The following TEX9 variants were observed in gnomAD, a reference collection of about 807,000 sequenced individuals.
The protein encoded by TEX9 is testis-expressed protein 9.
TEX9 carries 74 observed loss-of-function variants against 59.6 expected under a neutral mutation model. That is an observed-to-expected ratio of 1.24 (90% CI 1.03 to 1.51). The LOEUF (loss-of-function observed/expected upper bound fraction) is 1.51. Among genes scored for constraint, TEX9 ranks in the 40% most tolerant of loss-of-function variants. The probability of loss-of-function intolerance (pLI) is 0.00; values close to 1 mark genes in which losing one functional copy is unlikely to be tolerated. For synonymous variants in TEX9, 186 were observed against 152.2 expected, an observed-to-expected ratio of 1.22 and a Z score of -1.64; for missense variants, 522 against 447.8, an observed-to-expected ratio of 1.17 and a Z score of -1.49.
At chr15:56,458,869 G>C in the TEX9 span, among the ~76,000 whole-genome samples, 1 of 152,086 alleles carries the variant, frequency 6.6e-6, no homozygotes, top group East Asian at 1.9e-4. Flanking sequence ...CATCTTGGTT[G>C]CTTCTAAATT....
intron 10 of TEX9, among the ~76,000 whole-genome samples, chr15:56,414,856 C>A (rs1596216668): frequency 1.3e-5 from 2 of 151,926 alleles, no homozygotes; most frequent in South Asian, 4.2e-4. Flanking sequence ...TACACTCCCA[C>A]CAAGTGTATA....
chr15:56,456,373 A>C, the TEX9 span: 5 of 1,590,150 alleles, frequency 3.1e-6, no homozygotes, highest in African/African-American at 6.8e-5. Context: ...AAATAAATGA[A>C]ATTTAGAGAA....
At chr15:56,416,651 G>T (rs527984795) in intron 10 of TEX9, among the ~76,000 whole-genome samples, 2 of 151,852 alleles carry the variant, frequency 1.3e-5, no homozygotes, top group Non-Finnish European at 2.9e-5. Context: ...GTTCATCAAG[G>T]ATATTGGCCT....
intron 12 of TEX9, chr15:56,443,918 T>G: frequency 8.1e-7 from 1 of 1,227,508 alleles, no homozygotes. Context: ...TAATTTCATT[T>G]TGTTCATAAT....
At chr15:56,250,999 C>T (rs1445301277) in intron 1 of TEX9, among the ~76,000 whole-genome samples, 1 of 152,204 alleles carries the variant, frequency 6.6e-6, no homozygotes, top group Non-Finnish European at 1.5e-5. Flanking sequence ...CTGTAAGTCA[C>T]TCCTCATGTA....
At chr15:56,272,561 G>T (rs1454364829) in intron 1 of TEX9, among the ~76,000 whole-genome samples, 1 of 152,154 alleles carries the variant, frequency 6.6e-6, no homozygotes, top group African/African-American at 2.4e-5. Flanking sequence ...GAATAATGCT[G>T]CTATGAACAT....
chr15:56,297,499 G>T (rs1177069303), intron 1 of TEX9, among the ~76,000 whole-genome samples: 3 of 152,060 alleles, frequency 2.0e-5, no homozygotes, highest in Admixed American at 2.0e-4. Flanking sequence ...TACCCAGGTG[G>T]CTTAGTTTTC....
At chr15:56,446,957 CA>C, downstream of TEX9, 1 of 1,571,024 alleles carries the variant, frequency 6.4e-7, no homozygotes, top group Non-Finnish European at 8.7e-7. Flanking sequence ...TTTAAAAAAA[CA>C]AAAACAAATT....
chr15:56,442,896 T>C (rs1331903980), intron 12 of TEX9, among the ~76,000 whole-genome samples: 2 of 151,460 alleles, frequency 1.3e-5, no homozygotes, highest in Admixed American at 6.6e-5. Flanking sequence ...AAGTAAAAGT[T>C]GGAAAGAGAA....
At chr15:56,419,653 A>G (rs1336972138) in intron 10 of TEX9, among the ~76,000 whole-genome samples, 1 of 151,844 alleles carries the variant, frequency 6.6e-6, no homozygotes, top group South Asian at 2.1e-4. Context: ...GTCTGTATAC[A>G]TGGGAACATA....
At chr15:56,440,084 A>G (rs1430297192) in intron 12 of TEX9, among the ~76,000 whole-genome samples, 1 of 152,172 alleles carries the variant, frequency 6.6e-6, no homozygotes, top group Admixed American at 6.5e-5. Context: ...AAACAACCCA[A>G]TTAGAGAATC....
intron 12 of TEX9, among the ~76,000 whole-genome samples, chr15:56,436,426 A>G (rs1368022347): frequency 6.6e-6 from 1 of 152,178 alleles, no homozygotes; most frequent in Non-Finnish European, 1.5e-5. Context: ...AAGACACAAC[A>G]TACCAGAATC....
intron 1 of TEX9, among the ~76,000 whole-genome samples, chr15:56,268,079 T>C (rs138215070): frequency 0.011 from 1,645 of 152,322 alleles, 31 homozygotes; most frequent in African/African-American, 0.036. Flanking sequence ...TTATTCTCTT[T>C]GTAGCAATTG....
At chr15:56,320,731 T>C (rs1163617269) in intron 1 of TEX9, among the ~76,000 whole-genome samples, 2 of 152,184 alleles carry the variant, frequency 1.3e-5, no homozygotes, top group East Asian at 3.8e-4. Context: ...GTCATCAGAA[T>C]GGGTACACTT....
At chr15:56,427,739 G>T in exon 11 of TEX9, 1 of 1,468,186 alleles carries the variant, frequency 6.8e-7, no homozygotes, top group Non-Finnish European at 9.1e-7. Flanking sequence ...AAAGGCAAAA[G>T]GTGAGTCTAT....
chr15:56,288,245 T>G (rs1371364942), intron 1 of TEX9, among the ~76,000 whole-genome samples: 1 of 152,136 alleles, frequency 6.6e-6, no homozygotes, highest in Non-Finnish European at 1.5e-5. Context: ...TACCTCATTG[T>G]GCTTTTAATT....
At position 56,442,371 on chromosome 15, in the gene TEX9, C is replaced by T. The variant is rs187544556; in HGVS notation, c.*30-3300C>T. Among the ~76,000 whole-genome samples the T allele has an allele frequency of 2.6e-5, 4 of 151,910 alleles. No homozygotes were observed. The East Asian group carries it at 8.0e-4, about 30-fold the overall frequency. Reference sequence around the variant, plus strand: ...TTACCATTTGATTGCTGGGTTTATACCCAATGGGATTGCTGGGTATATACC... The same window carrying T: ...TTACCATTTGATTGCTGGGTTTATATCCAATGGGATTGCTGGGTATATACC... On this transcript the variant is annotated intron_variant, in intron 12 of 12. Transcript: ENST00000352903.
intron 1 of TEX9, among the ~76,000 whole-genome samples, chr15:56,256,397 T>C (rs1264984578): frequency 6.6e-6 from 1 of 151,934 alleles, no homozygotes; most frequent in Non-Finnish European, 1.5e-5. Flanking sequence ...CAAATCAAAA[T>C]CTACATATAC....
intron 1 of TEX9, among the ~76,000 whole-genome samples, chr15:56,252,525 T>C (rs893360548): frequency 1.3e-5 from 2 of 152,048 alleles, no homozygotes. Flanking sequence ...AATTCATGTC[T>C]CCATGACTTT....
Sources: allele counts gnomAD v4.1 joint callset (sites outside exome capture counted in the v4.1 genomes callset), GRCh38; gene constraint gnomAD v4.1.1; transcripts MANE v1.5; gene names NCBI Gene and HGNC (gene_info 2026-07-23, HGNC 2026-07-21).